The following CMTM8 variants were observed in gnomAD, a reference collection of about 807,000 sequenced individuals.
CMTM8 encodes the protein CKLF like MARVEL transmembrane domain containing 8.
Under a neutral mutation model 18.6 loss-of-function variants are expected in CMTM8, and 12 were observed. The observed-to-expected ratio is 0.65, with a 90% CI of 0.41 to 1.05. CMTM8 has a LOEUF of 1.05. CMTM8 is among the 50% of genes least tolerant of loss of function. The pLI, the probability that CMTM8 is intolerant of heterozygous loss-of-function variation, is 0.00. For synonymous variants in CMTM8, 87 were observed against 90.6 expected, an observed-to-expected ratio of 0.96 and a Z score of 0.23; for missense variants, 217 against 227.2, an observed-to-expected ratio of 0.95 and a Z score of 0.29.
intron 1 of CMTM8, among the ~76,000 whole-genome samples, chr3:32,305,233 T>C (rs1412427071): frequency 2.2e-5 from 1 of 44,790 alleles, no homozygotes; most frequent in East Asian, 8.1e-4. Flanking sequence ...GACTGGAGGC[T>C]TTTTTTTTTT....
intron 2 of CMTM8, among the ~76,000 whole-genome samples, chr3:32,364,589 A>C (rs146390264): frequency 6.6e-6 from 1 of 152,360 alleles, no homozygotes; most frequent in East Asian, 1.9e-4. Context: ...GGATATTTAA[A>C]TAAATGCTAA....
chr3:32,304,847 T>G (rs1695690963), intron 1 of CMTM8, among the ~76,000 whole-genome samples: 1 of 152,236 alleles, frequency 6.6e-6, no homozygotes, highest in African/African-American at 2.4e-5. Context: ...TGCCATTGAC[T>G]TAAGGAGACA....
chr3:32,267,430 C>A (rs1702366736), intron 1 of CMTM8, among the ~76,000 whole-genome samples: 2 of 152,168 alleles, frequency 1.3e-5, no homozygotes, highest in Admixed American at 6.5e-5. Flanking sequence ...CCCTTCCTTA[C>A]ACCTTATACA....
chr3:32,265,728 G>A (rs1018791901), intron 1 of CMTM8, among the ~76,000 whole-genome samples: 20 of 149,748 alleles, frequency 1.3e-4, no homozygotes, highest in African/African-American at 4.7e-4. Context: ...AAGAAAAAAA[G>A]AGAGAAGAAT....
chr3:32,307,653 T>C (rs1291653070), intron 1 of CMTM8, among the ~76,000 whole-genome samples: 1 of 152,044 alleles, frequency 6.6e-6, no homozygotes, highest in Non-Finnish European at 1.5e-5. Context: ...TTCCAGTCAA[T>C]GGGAGGAGGT....
chr3:32,361,786 C>T (rs183559403), intron 2 of CMTM8, among the ~76,000 whole-genome samples: 1 of 152,170 alleles, frequency 6.6e-6, no homozygotes, highest in Admixed American at 6.5e-5. Flanking sequence ...CCTCTGAGCT[C>T]CTGGGCTACA....
At chr3:32,341,386 A>G (rs1429273267) in intron 1 of CMTM8, among the ~76,000 whole-genome samples, 3 of 152,170 alleles carry the variant, frequency 2.0e-5, no homozygotes, top group Non-Finnish European at 2.9e-5. Context: ...ACACCAGCCT[A>G]TTCCTCTAAG....
intron 1 of CMTM8, among the ~76,000 whole-genome samples, chr3:32,306,756 T>C (rs1375703430): frequency 6.6e-6 from 1 of 152,212 alleles, no homozygotes; most frequent in African/African-American, 2.4e-5. Flanking sequence ...TGGGCAACCT[T>C]GAGTTTTAGG....
At chr3:32,320,787 A>G (rs1260405749) in intron 1 of CMTM8, among the ~76,000 whole-genome samples, 5 of 152,166 alleles carry the variant, frequency 3.3e-5, no homozygotes, top group Non-Finnish European at 5.9e-5. Context: ...AGGGTGCAGG[A>G]AAACTGGTGT....
In CMTM8 at chr3:32,322,979, C is replaced by G. The variant is rs149859834; in HGVS notation, c.148-34394C>G. Among the ~76,000 whole-genome samples the G allele has an allele frequency of 1.8e-3, 273 of 152,202 alleles. 3 individuals are homozygous for G. The highest frequency in any genetic ancestry group is 6.8e-3 in the Middle Eastern group (2 of 294). ...GGGACCTCATGGGATGCTGTATAGG[C>G]TCTCTCCATAGACCCTGGCCCAGGT... On this transcript the variant is annotated intron_variant, in intron 1 of 3. Coordinates refer to ENST00000307526, the MANE Select transcript of CMTM8 (RefSeq NM_178868.5).
intron 2 of CMTM8, among the ~76,000 whole-genome samples, chr3:32,360,251 T>C (rs1696897717): frequency 6.6e-6 from 1 of 152,258 alleles, no homozygotes; most frequent in African/African-American, 2.4e-5. Context: ...GGAAATGTGC[T>C]GCCAGGATTG....
At chr3:32,323,630 C>G (rs1375773920) in intron 1 of CMTM8, among the ~76,000 whole-genome samples, 1 of 152,178 alleles carries the variant, frequency 6.6e-6, no homozygotes, top group African/African-American at 2.4e-5. Flanking sequence ...AGCCCCTTTC[C>G]TGCTCAGGTT....
intron 1 of CMTM8, among the ~76,000 whole-genome samples, chr3:32,347,878 C>T (rs192485987): frequency 6.6e-6 from 1 of 152,198 alleles, no homozygotes; most frequent in East Asian, 1.9e-4. Context: ...GAGCCTTTAA[C>T]GTGGTTTGGC....
chr3:32,349,540 C>A (rs1696663500), intron 1 of CMTM8, among the ~76,000 whole-genome samples: 1 of 152,128 alleles, frequency 6.6e-6, no homozygotes, highest in Admixed American at 6.5e-5. Context: ...GTTTCTCAAT[C>A]AGAAGTAATT....
At chr3:32,241,428 C>G (rs190566688) in intron 1 of CMTM8, among the ~76,000 whole-genome samples, 1 of 152,274 alleles carries the variant, frequency 6.6e-6, no homozygotes, top group East Asian at 1.9e-4. Context: ...GAATTTTGGT[C>G]TTTTCCCAGG....
rs1210160046 is a variant in CMTM8 at position 32,238,727 on chromosome 3, C to G, written c.-246C>G. On this transcript the variant is annotated 5_prime_UTR_variant, in exon 1 of 4. Transcript: ENST00000307526. ...GCCCGGCAGCCTCCCCTCGCTCGCT[C>G]TCCTCTTCCTCTAGGGCCCCAGCGC... 1 of 233,976 alleles carries G rather than the reference C, an allele frequency of 4.3e-6. No individual in the cohort carries two copies. The highest frequency in any genetic ancestry group is 2.3e-5 in the African/African-American group (1 of 43,294). The allele number at this position is 233,976 out of a possible 1,614,324, so 14.5% of individuals were successfully genotyped here.
At chr3:32,290,930 A>G (rs1040334022) in intron 1 of CMTM8, among the ~76,000 whole-genome samples, 6 of 152,122 alleles carry the variant, frequency 3.9e-5, no homozygotes. Context: ...GTATTTTTTC[A>G]AGACACGGGG....
chr3:32,273,361 T>C (rs1180838758), intron 1 of CMTM8, among the ~76,000 whole-genome samples: 2 of 152,096 alleles, frequency 1.3e-5, no homozygotes, highest in African/African-American at 4.8e-5. Flanking sequence ...TATATATACA[T>C]ACACACACAT....
At chr3:32,280,623 G>A (rs77219401) in intron 1 of CMTM8, among the ~76,000 whole-genome samples, 136 of 151,952 alleles carry the variant, frequency 9.0e-4, no homozygotes, top group African/African-American at 3.2e-3. Context: ...GTGTGCTTTC[G>A]TTTCAAAAAT....
Sources: gnomAD v4.1 joint callset for allele counts (sites outside exome capture counted in the v4.1 genomes callset) on GRCh38, gnomAD v4.1.1 for gene constraint, MANE v1.5 for transcripts, NCBI Gene and HGNC (gene_info 2026-07-23, HGNC 2026-07-21) for gene names.